CLNK: variants seen among roughly 807,000 people sequenced by gnomAD.
CLNK encodes the protein cytokine dependent hematopoietic cell linker.
Under a neutral mutation model 68.6 loss-of-function variants are expected in CLNK, and 74 were observed. The ratio of observed to expected loss-of-function variants is 1.08; its 90% CI spans 0.89 to 1.31. CLNK has a LOEUF of 1.31. Ranked by LOEUF, CLNK falls within the 50% of genes most tolerant of loss-of-function variation. CLNK has a pLI of 0.00. For missense variants in CLNK, 553 were observed against 515.3 expected (o/e 1.07, Z -0.71); for synonymous variants, 198 against 172.2 (o/e 1.15, Z -1.17).
chr4:10,542,039 A>G lies in CLNK; in HGVS notation c.474T>C (p.Ile158=). 1 of 1,592,256 alleles carries G rather than the reference A, an allele frequency of 6.3e-7. No individual in the cohort carries two copies. The highest frequency in any genetic ancestry group is 1.1e-5 in the South Asian group (1 of 87,334). ...KGDASVRKNK[I]PLPPPRPLIT... ...TGTTTTACCGAGGAGGTGGTAAAGG[A>G]ATCTGAAAAAGAAAAGAGAAACCTA... The change falls in exon 10 of 19, where the codon ATT becomes ATC. Residue 158 remains isoleucine (I), a splice_region_variant and synonymous_variant. Coordinates refer to ENST00000226951, the MANE Select transcript of CLNK (RefSeq NM_052964.4).
chr4:10,547,785 C>T (rs1428530616), intron 8 of CLNK, among the ~76,000 whole-genome samples: 1 of 152,136 alleles, frequency 6.6e-6, no homozygotes, highest in African/African-American at 2.4e-5. Context: ...ACATAATGCC[C>T]TCCAAGTCCA....
At chr4:10,602,894 C>T (rs1039452732) in intron 2 of CLNK, among the ~76,000 whole-genome samples, 14 of 152,176 alleles carry the variant, frequency 9.2e-5, no homozygotes, top group Non-Finnish European at 1.0e-4. Flanking sequence ...TAGGTGGTGA[C>T]AACCAGTGAG....
chr4:10,508,099 T>A, intron 16 of CLNK, 63 bp from the exon 17 acceptor site: 2 of 1,304,734 alleles, frequency 1.5e-6, no homozygotes, highest in South Asian at 1.3e-5. Flanking sequence ...TATTGATTAA[T>A]TAATTCAAAA....
chr4:10,529,656 A>C (rs1718458845), intron 12 of CLNK, among the ~76,000 whole-genome samples: 1 of 152,206 alleles, frequency 6.6e-6, no homozygotes, highest in Non-Finnish European at 1.5e-5. Context: ...GGTGGTTTGA[A>C]AGTATCCCTA....
chr4:10,507,908 C>A lies in CLNK; in HGVS notation c.984+51G>T, dbSNP rs969289619. ...CGTCTTGTGACACATAAGCAGAGAACCTTAAGATGCCTATAGAAACAATAA... is the reference window on the plus strand; with the variant it reads ...CGTCTTGTGACACATAAGCAGAGAAACTTAAGATGCCTATAGAAACAATAA... On this transcript the variant is annotated intron_variant, in intron 17 of 18. Transcript: ENST00000226951. The A allele has an allele frequency of 1.8e-5, 24 of 1,368,578 alleles. No homozygotes were observed. The African/African-American group carries it at 2.7e-4, about 16-fold the overall frequency. The allele number at this position is 1,368,578 out of a possible 1,614,324, so 84.8% of individuals were successfully genotyped here. A position where few individuals can be genotyped will look rare whatever the true frequency, so the allele number is the denominator to read the frequency against.
intron 3 of CLNK, among the ~76,000 whole-genome samples, chr4:10,594,985 T>A (rs1465305584): frequency 6.6e-6 from 1 of 152,090 alleles, no homozygotes; most frequent in East Asian, 1.9e-4. Context: ...TCCCAGCTAC[T>A]GGCTGGGGGG....
chr4:10,613,863 A>G (rs1356380665), intron 2 of CLNK, among the ~76,000 whole-genome samples: 2 of 119,292 alleles, frequency 1.7e-5, no homozygotes, highest in Non-Finnish European at 2.0e-5. Context: ...TGAATAGTTC[A>G]TCTGACTCTG....
intron 1 of CLNK, among the ~76,000 whole-genome samples, chr4:10,678,248 T>C (rs1237841545): frequency 6.6e-6 from 1 of 152,222 alleles, no homozygotes; most frequent in East Asian, 1.9e-4. Context: ...ATCTGAAAGA[T>C]GAGGCTATGA....
chr4:10,543,651 T>TACAAC (rs1229650472), intron 8 of CLNK, among the ~76,000 whole-genome samples: 1 of 152,196 alleles, frequency 6.6e-6, no homozygotes, highest in Admixed American at 6.6e-5. Context: ...ACTGGCACAA[T>TACAAC]ACAACACAAC....
At chr4:10,494,329 T>G (rs1167585536) in intron 18 of CLNK, among the ~76,000 whole-genome samples, 1 of 152,228 alleles carries the variant, frequency 6.6e-6, no homozygotes, top group Non-Finnish European at 1.5e-5. Context: ...GTTTTAAGAT[T>G]GTCCCAAAAT....
chr4:10,668,858 T>C (rs1372051804), intron 1 of CLNK, among the ~76,000 whole-genome samples: 2 of 152,146 alleles, frequency 1.3e-5, no homozygotes, highest in Admixed American at 6.5e-5. Context: ...CCATCTCCCA[T>C]TGGCCAAACT....
chr4:10,546,102 G>A (rs1255618657), intron 8 of CLNK, among the ~76,000 whole-genome samples: 2 of 152,136 alleles, frequency 1.3e-5, no homozygotes, highest in African/African-American at 4.8e-5. Flanking sequence ...TGTCTTGAGG[G>A]ATAGCATCTA....
At chr4:10,733,564 G>A in the CLNK span, among the ~76,000 whole-genome samples, 10,594 of 152,266 alleles carry the variant, frequency 0.07, 524 homozygotes, top group East Asian at 0.18. Flanking sequence ...CACCTTCAGT[G>A]AATGATAGCA....
In CLNK at chr4:10,680,947, C is replaced by T. The variant is rs186982620; in HGVS notation, c.-43+3721G>A. On this transcript the variant is annotated intron_variant, in intron 1 of 18. Transcript: ENST00000226951. ...AAGAGTCCAGACAGATAAAGCTGATCGGGAGATCCCTAGACTTGCCCATGA... is the reference window on the plus strand; with the variant it reads ...AAGAGTCCAGACAGATAAAGCTGATTGGGAGATCCCTAGACTTGCCCATGA... 2.4e-4 allele frequency among the ~76,000 whole-genome samples: 36 copies of T among 151,946 alleles called. 1 individual carries two copies. In the East Asian group the frequency reaches 7.0e-3, roughly 29 times the overall value.
intron 3 of CLNK, among the ~76,000 whole-genome samples, chr4:10,588,910 G>C (rs141392863): frequency 6.6e-6 from 1 of 152,032 alleles, no homozygotes; most frequent in Admixed American, 6.6e-5. Flanking sequence ...AGAGTGGAAG[G>C]GTGGGTTGCC....
intron 2 of CLNK, among the ~76,000 whole-genome samples, chr4:10,662,711 A>G (rs1202759155): frequency 1.3e-5 from 2 of 152,220 alleles, no homozygotes; most frequent in African/African-American, 4.8e-5. Context: ...TTAAAAGTAG[A>G]TTTTCTAAAA....
At chr4:10,634,592 C>T (rs1403069602) in intron 2 of CLNK, among the ~76,000 whole-genome samples, 2 of 152,152 alleles carry the variant, frequency 1.3e-5, no homozygotes, top group Non-Finnish European at 2.9e-5. Flanking sequence ...GAATTTTTAG[C>T]GCTAATTACT....
At chr4:10,527,710 G>A (rs1183943223) in intron 13 of CLNK, among the ~76,000 whole-genome samples, 1 of 152,158 alleles carries the variant, frequency 6.6e-6, no homozygotes, top group African/African-American at 2.4e-5. Context: ...GCATGAAAGA[G>A]CCACGTGTGT....
intron 18 of CLNK, among the ~76,000 whole-genome samples, chr4:10,491,969 A>G (rs1440905622): frequency 6.6e-6 from 1 of 152,104 alleles, no homozygotes; most frequent in Admixed American, 6.6e-5. Flanking sequence ...CATTCTGCAT[A>G]CACAGTAATT....
Sources: gnomAD v4.1 joint callset for allele counts (sites outside exome capture counted in the v4.1 genomes callset) on GRCh38, gnomAD v4.1.1 for gene constraint, MANE v1.5 for transcripts, NCBI Gene and HGNC (gene_info 2026-07-23, HGNC 2026-07-21) for gene names.